The following TUBD1 variants were observed in gnomAD, a reference collection of about 807,000 sequenced individuals.
The protein encoded by TUBD1 is tubulin delta chain.
A neutral mutation model predicts 51.2 loss-of-function variants in TUBD1; 38 were observed. The ratio of observed to expected loss-of-function variants is 0.74; its 90% CI spans 0.57 to 0.97. The LOEUF (loss-of-function observed/expected upper bound fraction) is 0.97, where lower values mean the gene tolerates loss of function less well. Among genes scored for constraint, TUBD1 ranks in the 50% least tolerant of loss-of-function variants. The pLI, the probability that TUBD1 is intolerant of heterozygous loss-of-function variation, is 0.00. For synonymous variants in TUBD1, 169 were observed against 178.2 expected (o/e 0.95, Z 0.41); for missense variants, 489 against 538.4 (o/e 0.91, Z 0.91).
At position 59,878,100 on chromosome 17, in the gene TUBD1, T is replaced by C. The variant is rs1157126158; in HGVS notation, c.769+3A>G. 3 of 1,610,666 alleles carry C rather than the reference T, an allele frequency of 1.9e-6. No individual in the cohort carries two copies. The South Asian group carries it at 3.3e-5, about 18-fold the overall frequency. On this transcript the variant is annotated splice_donor_region_variant and intron_variant, in intron 5 of 8. Transcript: ENST00000325752. The stretch of plus-strand genomic sequence containing the variant: ...TATAATTAACGTATAGAGGGACAAA[T>C]ACCTAGTGGATTTCGTCTGTAGTGA...
At chr17:59,878,792 G>A (rs1193073433) in intron 4 of TUBD1, 2 of 163,482 alleles carry the variant, frequency 1.2e-5, no homozygotes, top group Non-Finnish European at 2.7e-5. Flanking sequence ...TTCCTCATTT[G>A]TAATGGCTTC....
chr17:59,890,547 G>A (rs1307163503), intron 2 of TUBD1, among the ~76,000 whole-genome samples: 1 of 152,042 alleles, frequency 6.6e-6, no homozygotes. Flanking sequence ...CAGCCAGCAG[G>A]GTCCTCTTTT....
chr17:59,890,907 T>G lies in TUBD1; in HGVS notation c.96A>C (p.Gly32=). The change falls in exon 2 of 9, where the codon GGA becomes GGC. Residue 32 remains glycine (G), a synonymous_variant. Transcript: ENST00000325752. ...CCTCATTCTCTCTCATAGAGCAGAGTCCCTGGGAACTGTGTGAGTCACTAA... is the reference window on the plus strand; with the variant it reads ...CCTCATTCTCTCTCATAGAGCAGAGGCCCTGGGAACTGTGTGAGTCACTAA... ...ALLSDSHSSQ[G]LCSMRENEAY... 6.2e-7 allele frequency: 1 copy of G among 1,613,752 alleles called. No homozygotes were observed. Among genetic ancestry groups the G allele is most frequent in the South Asian group, 1.1e-5 (1 of 91,052 alleles).
rs150244823 is a variant in TUBD1 at position 59,866,610 on chromosome 17, C to T, written c.1074G>A (p.Val358=). Reference sequence around the variant, plus strand: ...TTAATTTTCACCTGAATTTCTTACCCACATCTGCACTTTGCACATCTTTCC... The same window carrying T: ...TTAATTTTCACCTGAATTTCTTACCTACATCTGCACTTTGCACATCTTTCC... ...LRGKDVQSAD[V]EGFKDPALYT... Residue 358 remains valine, a splice_region_variant and synonymous_variant, in exon 7 of 9, where the codon GTG becomes GTA. Coordinates refer to ENST00000325752, the MANE Select transcript of TUBD1 (RefSeq NM_016261.4). The T allele has an allele frequency of 3.1e-6, 5 of 1,612,396 alleles. No homozygotes were observed. The highest frequency in any genetic ancestry group is 1.7e-4 in the Middle Eastern group (1 of 6,048).
intron 1 of TUBD1, among the ~76,000 whole-genome samples, chr17:59,891,523 T>C (rs762446038): frequency 2.6e-5 from 4 of 152,156 alleles, no homozygotes; most frequent in Admixed American, 6.6e-5. Context: ...TCAAGGAAGT[T>C]CTCATACTCT....
At chr17:59,879,268 CAAAA>C (rs373101335) in intron 4 of TUBD1, among the ~76,000 whole-genome samples, 1 of 128,422 alleles carries the variant, frequency 7.8e-6, no homozygotes. Context: ...AACTCTGTCT[CAAAA>C]AAAAAAAAAA....
intron 5 of TUBD1, 110 bp from the exon 6 acceptor site, chr17:59,874,813 C>T (rs2144503621): frequency 2.5e-6 from 2 of 810,844 alleles, no homozygotes; most frequent in Middle Eastern, 7.3e-4. Flanking sequence ...TTTTTCTCTT[C>T]TCAGACCAGA....
Position 59,890,012 on chromosome 17 carries a change from A to G in TUBD1, c.172+819T>C, listed in dbSNP as rs867703242. Among the ~76,000 whole-genome samples the G allele has an allele frequency of 1.3e-4, 18 of 143,120 alleles. No individual in the cohort carries two copies. The Middle Eastern group carries it at 0.011, about 85-fold the overall frequency. 93.9% of individuals were successfully genotyped at this position (143,120 alleles called of 152,430 possible). On this transcript the variant is annotated intron_variant, in intron 2 of 8. Transcript: ENST00000325752. ...AGAGAGACAGAGAAAAGAAAGAGCC[A>G]GGCATGGTGGCATGCACCTGCAGTC...
intron 8 of TUBD1, among the ~76,000 whole-genome samples, chr17:59,863,363 C>G (rs1045802298): frequency 6.6e-6 from 1 of 152,164 alleles, no homozygotes; most frequent in Non-Finnish European, 1.5e-5. Context: ...GTAATGCCAG[C>G]ACTTTGGGAG....
chr17:59,874,019 C>T (rs1043314548), intron 6 of TUBD1, among the ~76,000 whole-genome samples: 3 of 151,732 alleles, frequency 2.0e-5, no homozygotes, highest in Admixed American at 1.3e-4. Context: ...GAAACCCCGT[C>T]TCTACTAAAA....
chr17:59,862,916 G>A (rs2039527770), intron 8 of TUBD1, among the ~76,000 whole-genome samples: 1 of 151,692 alleles, frequency 6.6e-6, no homozygotes, highest in Admixed American at 6.6e-5. Flanking sequence ...AGTAGAGACG[G>A]GGTTTCACCG....
intron 6 of TUBD1, among the ~76,000 whole-genome samples, chr17:59,868,651 A>T (rs2039830309): frequency 6.6e-6 from 1 of 152,144 alleles, no homozygotes; most frequent in South Asian, 2.1e-4. Context: ...ATACTGGCCA[A>T]CATGGTGAAA....
intron 8 of TUBD1, among the ~76,000 whole-genome samples, chr17:59,863,166 G>A (rs921404637): frequency 9.2e-5 from 14 of 152,186 alleles, no homozygotes; most frequent in African/African-American, 3.1e-4. Flanking sequence ...ATCCTCGTGA[G>A]AAATGTCCTC....
In TUBD1 at chr17:59,869,333, G is replaced by A. The variant is rs373172633; in HGVS notation, c.935-2584C>T. Among the ~76,000 whole-genome samples, 668 of 151,612 alleles carry A rather than the reference G, an allele frequency of 4.4e-3. 8 individuals carry two copies. The highest frequency in any genetic ancestry group is 0.015 in the African/African-American group (630 of 41,370). ...TACTAAAAAAATACAAAAATTAGAC[G>A]GGCATGGTGGTGCGCACCTGTAGTC... On this transcript the variant is annotated intron_variant, in intron 6 of 8. Transcript: ENST00000325752.
chr17:59,881,222 A>C (rs112515962), intron 3 of TUBD1, 112 bp from the exon 4 acceptor site: 6 of 855,908 alleles, frequency 7.0e-6, no homozygotes, highest in South Asian at 3.3e-5. Flanking sequence ...ACGGAAGTGA[A>C]GGAACTCTCA....
chr17:59,889,269 C>G (rs1042100882), intron 2 of TUBD1, among the ~76,000 whole-genome samples: 7 of 151,446 alleles, frequency 4.6e-5, no homozygotes, highest in African/African-American at 1.7e-4. Flanking sequence ...CTGCCTTGGC[C>G]TCCCAAAGTG....
At chr17:59,880,301 T>G (rs531586103) in intron 4 of TUBD1, among the ~76,000 whole-genome samples, 1 of 151,290 alleles carries the variant, frequency 6.6e-6, no homozygotes, top group African/African-American at 2.4e-5. Flanking sequence ...TCATGATTTT[T>G]CCACCTTGGC....
rs1313659814 is a variant in TUBD1 at position 59,874,661 on chromosome 17, A to T, written c.812T>A (p.Met271Lys). Residue 271 changes from methionine (M) to lysine (K), a missense_variant, in exon 6 of 9, where the codon ATG becomes AAG. Coordinates refer to ENST00000325752, the MANE Select transcript of TUBD1 (RefSeq NM_016261.4). ...EHLVPHPEFK[M>K]LSVRNIPHMS... ...GTGAGGAATGTTACGAACACTCAGC[A>T]TCTTGAATTCAGGATGGGGAACTAA... 1 of 1,613,282 alleles carries T rather than the reference A, an allele frequency of 6.2e-7. No individual in the cohort carries two copies. Among genetic ancestry groups the T allele is most frequent in the African/African-American group, 1.3e-5 (1 of 74,902 alleles).
intron 5 of TUBD1, among the ~76,000 whole-genome samples, chr17:59,875,851 A>G (rs1033520021): frequency 6.6e-6 from 1 of 152,196 alleles, no homozygotes; most frequent in African/African-American, 2.4e-5. Flanking sequence ...ATTTACAATG[A>G]AATAGAATTA....
Sources: gnomAD v4.1 joint callset for allele counts (sites outside exome capture counted in the v4.1 genomes callset) on GRCh38, gnomAD v4.1.1 for gene constraint, MANE v1.5 for transcripts, NCBI Gene and HGNC (gene_info 2026-07-23, HGNC 2026-07-21) for gene names.